The following MTHFD1 variants were observed in gnomAD, a reference collection of about 807,000 sequenced individuals.
The protein encoded by MTHFD1 is C-1-tetrahydrofolate synthase, cytoplasmic.
Under a neutral mutation model 110.3 loss-of-function variants are expected in MTHFD1, and 44 were observed. That is an observed-to-expected ratio of 0.40 (90% confidence interval 0.31 to 0.51). The LOEUF is 0.51. MTHFD1 is among the 20% of genes least tolerant of loss of function. The probability of loss-of-function intolerance (pLI) is 0.60; values close to 1 mark genes in which losing one functional copy is unlikely to be tolerated. For missense variants in MTHFD1, 909 were observed against 1,173.1 expected (o/e 0.77, Z 3.29); for synonymous variants, 402 against 428.8 (o/e 0.94, Z 0.77).
chr14:64,411,438 C>T (rs563849056), intron 3 of MTHFD1, among the ~76,000 whole-genome samples: 2 of 152,276 alleles, frequency 1.3e-5, no homozygotes, highest in African/African-American at 4.8e-5. Flanking sequence ...ATTAAGGACA[C>T]ACCTGGGAGA....
In MTHFD1 at chr14:64,447,999, C is replaced by T. The variant is rs150620206; in HGVS notation, c.2179-218C>T. 1.9e-4 allele frequency: 113 copies of T among 585,430 alleles called. 1 individual carries two copies. In the African/African-American group the frequency reaches 2.0e-3, roughly 10 times the overall value. The allele number at this position is 585,430 out of a possible 1,614,324, so 36.3% of individuals were successfully genotyped here. A position where few individuals can be genotyped will look rare whatever the true frequency, so the allele number is the denominator to read the frequency against. On this transcript the variant is annotated intron_variant, in intron 22 of 27. Transcript: ENST00000652337. ...AGGCTGGGAAACAAGCAGAGCTCTACTCTAGTGTCATAGGCTGGAGTGAAA... is the reference window on the plus strand; with the variant it reads ...AGGCTGGGAAACAAGCAGAGCTCTATTCTAGTGTCATAGGCTGGAGTGAAA...
chr14:64,428,515 A>C (rs888117900), intron 12 of MTHFD1, among the ~76,000 whole-genome samples: 1 of 149,882 alleles, frequency 6.7e-6, no homozygotes, highest in East Asian at 2.0e-4. Flanking sequence ...TCTAGCAATT[A>C]CTACAAATGT....
At chr14:64,445,310 C>T (rs79278964) in intron 22 of MTHFD1, among the ~76,000 whole-genome samples, 7,307 of 152,234 alleles carry the variant, frequency 0.048, 209 homozygotes, top group Middle Eastern at 0.092. Context: ...TCCATATTAA[C>T]GGGCCAAGAT....
intron 8 of MTHFD1, among the ~76,000 whole-genome samples, chr14:64,422,677 C>A (rs1051989520): frequency 2.0e-5 from 3 of 152,086 alleles, no homozygotes. Flanking sequence ...TTATTAGGGT[C>A]CCCAAATTAA....
Position 64,442,343 on chromosome 14 carries a change from C to G in MTHFD1, c.2077C>G (p.His693Asp), listed in dbSNP as rs757239075. ...ATGCCGGTATTCCGGCCTCTGCCCCCACGTGGTGGTGCTTGTTGCCACTGT... is the reference window on the plus strand; with the variant it reads ...ATGCCGGTATTCCGGCCTCTGCCCCGACGTGGTGGTGCTTGTTGCCACTGT... ...IKCRYSGLCP[H>D]VVVLVATVRA... Residue 693 changes from histidine (H) to aspartate (D), a missense_variant, in exon 21 of 28, where the codon CAC becomes GAC. Around this residue, in one of 3 missense-constraint regions of MTHFD1, gnomAD observed 482 missense variants for 646.0 expected, o/e 0.75. Transcript: ENST00000652337. 1.5e-5 allele frequency: 24 copies of G among 1,614,094 alleles called. No individual in the cohort carries two copies. The highest frequency in any genetic ancestry group is 1.6e-4 in the Middle Eastern group (1 of 6,084).
chr14:64,431,418 G>A, intron 13 of MTHFD1, 114 bp from the exon 14 acceptor site: 1 of 848,010 alleles, frequency 1.2e-6, no homozygotes, highest in Non-Finnish European at 1.9e-6. Context: ...CCACTAACTG[G>A]GCTGCCTTCA....
intron 16 of MTHFD1, among the ~76,000 whole-genome samples, chr14:64,435,886 G>A (rs1049422569): frequency 9.2e-5 from 14 of 152,142 alleles, no homozygotes; most frequent in Admixed American, 7.9e-4. Context: ...TGGATTGGTC[G>A]AACATTTTGC....
At chr14:64,456,576 C>G (rs1377223033) in intron 26 of MTHFD1, among the ~76,000 whole-genome samples, 1 of 152,188 alleles carries the variant, frequency 6.6e-6, no homozygotes, top group Admixed American at 6.5e-5. Flanking sequence ...GGGTTTTCTG[C>G]TGACATGCAC....
intron 16 of MTHFD1, among the ~76,000 whole-genome samples, chr14:64,436,383 C>A (rs1268749455): frequency 6.6e-6 from 1 of 152,162 alleles, no homozygotes; most frequent in Admixed American, 6.6e-5. Context: ...CATGAGCCAC[C>A]GCACCCGGCC....
rs758971446 is a variant in MTHFD1, at chr14:64,442,152, A to T, written c.1983A>T (p.Pro661=). The change falls in exon 20 of 28, where the codon CCA becomes CCT. Residue 661 remains proline, a synonymous_variant. Transcript: ENST00000652337. ...GGATCGCACTCAAGCTTGTTGGCCC[A>T]GAAGGGTTTGTAGGTTAGTGTTTTT... is the stretch of plus-strand genomic sequence containing the variant. ...ADRIALKLVG[P]EGFVVTEAGF... is the part of the protein sequence containing the mutation. The T allele has an allele frequency of 1.9e-6, 3 of 1,614,172 alleles. No individual in the cohort carries two copies. Among genetic ancestry groups the T allele is most frequent in the Non-Finnish European group, 2.5e-6 (3 of 1,180,024 alleles).
At chr14:64,419,526 C>G (rs2078053138) in intron 7 of MTHFD1, among the ~76,000 whole-genome samples, 1 of 152,190 alleles carries the variant, frequency 6.6e-6, no homozygotes, top group African/African-American at 2.4e-5. Flanking sequence ...CGCAGGGCCC[C>G]AAGCCTGTTT....
chr14:64,428,702 T>C lies in MTHFD1; in HGVS notation c.1264+1229T>C, dbSNP rs563017561. On this transcript the variant is annotated intron_variant, in intron 12 of 27. Coordinates refer to ENST00000652337, the MANE Select transcript of MTHFD1 (RefSeq NM_005956.4). ...CCAAGTAGCTGGGACTACAGGTGCGTGCCACCATGCCTGGCTAATTTTTGT... is the reference window on the plus strand; with the variant it reads ...CCAAGTAGCTGGGACTACAGGTGCGCGCCACCATGCCTGGCTAATTTTTGT... 5.9e-5 allele frequency among the ~76,000 whole-genome samples: 9 copies of C among 151,274 alleles called. No individual in the cohort carries two copies. In the South Asian group the frequency reaches 1.9e-3, roughly 32 times the overall value.
At position 64,430,238 on chromosome 14, in the gene MTHFD1, ATTCTGGGAT is replaced by A; in HGVS notation, c.1311+11_1311+19del. 6.2e-7 allele frequency: 1 copy of A among 1,613,122 alleles called. No homozygotes were observed. On this transcript the variant is annotated intron_variant, in intron 13 of 27. Transcript: ENST00000652337. The stretch of plus-strand genomic sequence containing the variant: ...GTCATTCCTATGGAAGAGGTAAAGT[ATTCTGGGAT>A]TTGGCTGAATTAGATCCCCCTTTTT...
chr14:64,424,103 G>A (rs577144683), intron 8 of MTHFD1: 149 of 154,078 alleles, frequency 9.7e-4, no homozygotes, highest in African/African-American at 3.5e-3. Context: ...CAGATGCAGC[G>A]CGGGAGCCTT....
At chr14:64,388,567 A>T in intron 1 of MTHFD1, 99 bp downstream of exon 1, 1 of 1,094,210 alleles carries the variant, frequency 9.1e-7, no homozygotes, top group Non-Finnish European at 1.4e-6. Context: ...GGACACTTGT[A>T]GCGGAAGAGT....
chr14:64,444,495 C>T (rs564742191), intron 21 of MTHFD1, among the ~76,000 whole-genome samples, 198 bp from the exon 22 acceptor site: 5 of 152,224 alleles, frequency 3.3e-5, no homozygotes, highest in South Asian at 2.1e-4. Flanking sequence ...AGGTCTTCCA[C>T]GCTGCCCAAA....
chr14:64,444,251 T>C (rs557667536), intron 21 of MTHFD1, among the ~76,000 whole-genome samples: 2 of 152,262 alleles, frequency 1.3e-5, no homozygotes, highest in East Asian at 3.9e-4. Flanking sequence ...CAATGCTAGG[T>C]TGGCACTGTG....
At chr14:64,403,711 T>A (rs2077916721) in intron 2 of MTHFD1, among the ~76,000 whole-genome samples, 1 of 152,050 alleles carries the variant, frequency 6.6e-6, no homozygotes. Context: ...TTGGCCTTAA[T>A]TTTTTGTATT....
chr14:64,424,356 C>T, intron 8 of MTHFD1: 1 of 218,202 alleles, frequency 4.6e-6, no homozygotes, highest in South Asian at 7.2e-5. Flanking sequence ...TGAATTGTTC[C>T]TCCAGCTCAC....
Sources: gnomAD v4.1 joint callset for allele counts (sites outside exome capture counted in the v4.1 genomes callset) on GRCh38, gnomAD v4.1.1 for gene constraint, gnomAD v4.1.1 regional missense constraint, MANE v1.5 for transcripts, NCBI Gene and HGNC (gene_info 2026-07-23, HGNC 2026-07-21) for gene names.